The following RTF2 variants were observed in gnomAD, a reference collection of about 807,000 sequenced individuals.
RTF2 encodes the protein UPF0549 protein C20orf43.
In RTF2, 18 loss-of-function variants were observed where a neutral mutation model predicts 38.0. The ratio of observed to expected loss-of-function variants is 0.47; its 90% CI spans 0.33 to 0.70. The LOEUF is 0.70. Ranked by LOEUF, RTF2 falls within the 30% of genes least tolerant of loss-of-function variation. RTF2 has a pLI of 0.02. For missense variants in RTF2, 311 were observed against 379.6 expected (o/e 0.82, Z 1.50); for synonymous variants, 126 against 137.1 (o/e 0.92, Z 0.57).
chr20:56,493,100 A>G (rs1983277255), intron 5 of RTF2, among the ~76,000 whole-genome samples: 1 of 152,054 alleles, frequency 6.6e-6, no homozygotes, highest in Non-Finnish European at 1.5e-5. Flanking sequence ...CGCTTGAACC[A>G]GGGAGTCAGA....
At chr20:56,505,498 T>TAATAATAATAAG (rs1246069263) in intron 5 of RTF2, among the ~76,000 whole-genome samples, 1 of 148,670 alleles carries the variant, frequency 6.7e-6, no homozygotes, top group East Asian at 2.0e-4. Flanking sequence ...ATAATAATAA[T>TAATAATAATAAG]AATAATAATA....
intron 6 of RTF2, chr20:56,513,691 G>T (rs1167665076): frequency 1.1e-5 from 4 of 364,284 alleles, no homozygotes; most frequent in Admixed American, 7.2e-5. Context: ...GCACGGAGCT[G>T]TCAGCAGGCT....
At position 56,518,846 on chromosome 20, in the gene RTF2, G is replaced by C. The variant is rs969023162; in HGVS notation, c.*581G>C. 6.6e-6 allele frequency: 1 copy of C among 152,164 alleles called. No individual in the cohort carries two copies. The highest frequency in any genetic ancestry group is 1.5e-5 in the Non-Finnish European group (1 of 68,052). 9.4% of individuals were successfully genotyped at this position (152,164 alleles called of 1,614,324 possible). ...TAGCAGAGTCATAGTTGGGCACCCA[G>C]TGATTGGGTTCAAAAATAAAGCTGG... On this transcript the variant is annotated 3_prime_UTR_variant, in exon 9 of 9. Transcript: ENST00000357348.
At chr20:56,517,331 A>G (rs1985113347) in intron 8 of RTF2, 130 bp downstream of exon 8, 3 of 704,612 alleles carry the variant, frequency 4.3e-6, no homozygotes, top group Non-Finnish European at 7.4e-6. Context: ...TAGAGAGTGC[A>G]CTGAACTCTC....
intron 2 of RTF2, 75 bp from the exon 3 acceptor site, chr20:56,474,603 G>A: frequency 3.3e-6 from 3 of 895,660 alleles, no homozygotes. Context: ...TTTGGATTGT[G>A]TTCAGTTTAT....
intron 5 of RTF2, among the ~76,000 whole-genome samples, chr20:56,503,885 T>C (rs1407414253): frequency 6.6e-6 from 1 of 152,132 alleles, no homozygotes; most frequent in African/African-American, 2.4e-5. Context: ...GGAGAATCGC[T>C]TGAAATCAGG....
chr20:56,513,676 C>T (rs1407662725), intron 6 of RTF2: 16 of 385,360 alleles, frequency 4.2e-5, no homozygotes, highest in Non-Finnish European at 5.9e-5. Flanking sequence ...TGACAGCATG[C>T]GAGGGCACGG....
At chr20:56,485,640 A>G (rs1982756851) in intron 5 of RTF2, among the ~76,000 whole-genome samples, 1 of 152,222 alleles carries the variant, frequency 6.6e-6, no homozygotes, top group African/African-American at 2.4e-5. Flanking sequence ...GACTATGAAT[A>G]AAGCCTTCAT....
rs140506197 is a variant in RTF2 at position 56,518,573 on chromosome 20, C to G, written c.*308C>G. The G allele has an allele frequency of 1.1e-5, 3 of 278,676 alleles. No homozygotes were observed. The highest frequency in any genetic ancestry group is 6.5e-5 in the African/African-American group (3 of 45,970). 17.3% of individuals were successfully genotyped at this position (278,676 alleles called of 1,614,324 possible). ...TTATGCTTGCAGTAACAAGAGACTCCAGAGTCCTCACCGGTGCAGAGTTGG... is the reference window on the plus strand; with the variant it reads ...TTATGCTTGCAGTAACAAGAGACTCGAGAGTCCTCACCGGTGCAGAGTTGG... On this transcript the variant is annotated 3_prime_UTR_variant, in exon 9 of 9. Transcript: ENST00000357348.
At chr20:56,496,317 G>A (rs1004225299) in intron 5 of RTF2, among the ~76,000 whole-genome samples, 4 of 152,180 alleles carry the variant, frequency 2.6e-5, no homozygotes, top group Non-Finnish European at 5.9e-5. Context: ...GGAGGCCGAG[G>A]CAGGCGGATC....
chr20:56,491,692 G>T, intron 5 of RTF2: 1 of 1,552,282 alleles, frequency 6.4e-7, no homozygotes, highest in Non-Finnish European at 8.7e-7. Context: ...GGTCTGTCGA[G>T]GGTTCGAATT....
chr20:56,468,789 T>G, intron 1 of RTF2, 23 bp downstream of exon 1: 2 of 1,555,734 alleles, frequency 1.3e-6, no homozygotes, highest in Non-Finnish European at 1.7e-6. Context: ...GGCCGGCTCT[T>G]GGCGACCGGG....
intron 5 of RTF2, among the ~76,000 whole-genome samples, chr20:56,486,317 A>G (rs1052942544): frequency 6.6e-6 from 1 of 152,188 alleles, no homozygotes; most frequent in African/African-American, 2.4e-5. Flanking sequence ...ATTTATGGCA[A>G]AGAGTACTGT....
chr20:56,515,035 T>TAAAAAAAAAAAAAA (rs577137134), intron 6 of RTF2, among the ~76,000 whole-genome samples: 1 of 124,060 alleles, frequency 8.1e-6, no homozygotes. Context: ...AGACTCCCTC[T>TAAAAAAAAAAAAAA]AAAAAAAAAA....
chr20:56,491,873 C>A, intron 5 of RTF2: 1 of 889,818 alleles, frequency 1.1e-6, no homozygotes. Context: ...CGTCCGGTGT[C>A]AGTGGTGAGC....
chr20:56,488,407 C>A (rs1361746492), intron 5 of RTF2, among the ~76,000 whole-genome samples: 1 of 150,588 alleles, frequency 6.6e-6, no homozygotes, highest in African/African-American at 2.5e-5. Flanking sequence ...TGATCCGTAG[C>A]ATTGGACTTG....
Position 56,519,220 on chromosome 20 carries a change from G to C in RTF2, c.*955G>C, listed in dbSNP as rs980143968. ...CCGGGGCCCTGGGTTTCCTTCAGAA[G>C]CAGAAGGAGCTGTGGGAGGTGAATG... On this transcript the variant is annotated 3_prime_UTR_variant, in exon 9 of 9. Coordinates refer to ENST00000357348, the MANE Select transcript of RTF2 (RefSeq NM_016407.5). 6.6e-6 allele frequency: 1 copy of C among 152,300 alleles called. No homozygotes were observed. Among genetic ancestry groups the C allele is most frequent in the Non-Finnish European group, 1.5e-5 (1 of 68,150 alleles). 9.4% of individuals were successfully genotyped at this position (152,300 alleles called of 1,614,324 possible).
chr20:56,484,263 C>A, intron 5 of RTF2, 74 bp downstream of exon 5: 2 of 1,224,438 alleles, frequency 1.6e-6, no homozygotes, highest in South Asian at 2.4e-5. Context: ...TCCTTTCCCT[C>A]CATTTGTTCT....
At chr20:56,473,738 C>G (rs1982088968) in intron 2 of RTF2, among the ~76,000 whole-genome samples, 1 of 152,056 alleles carries the variant, frequency 6.6e-6, no homozygotes, top group Admixed American at 6.6e-5. Flanking sequence ...TTAAATTAGC[C>G]AGGCACCTGG....
Sources: gnomAD v4.1 joint callset for allele counts (sites outside exome capture counted in the v4.1 genomes callset) on GRCh38, gnomAD v4.1.1 for gene constraint, MANE v1.5 for transcripts, NCBI Gene and HGNC (gene_info 2026-07-23, HGNC 2026-07-21) for gene names.